Variants in SEMA3C observed in about 807,000 individuals in gnomAD.
SEMA3C encodes semaphorin 3C, also known as semaphorin-3C.
Under a neutral mutation model 89.4 loss-of-function variants are expected in SEMA3C, and 47 were observed. That is an observed-to-expected ratio of 0.53 (90% CI 0.42 to 0.67). The LOEUF (loss-of-function observed/expected upper bound fraction) is 0.67. SEMA3C is among the 30% of genes least tolerant of loss of function. The probability of loss-of-function intolerance (pLI) is 0.00; values close to 1 mark genes in which losing one functional copy is unlikely to be tolerated. For missense variants in SEMA3C, 839 were observed against 929.1 expected (o/e 0.90, Z 1.26); for synonymous variants, 310 against 320.2 (o/e 0.97, Z 0.34).
chr7:80,878,211 C>T (rs887633873), intron 2 of SEMA3C, among the ~76,000 whole-genome samples: 1 of 152,094 alleles, frequency 6.6e-6, no homozygotes, highest in Admixed American at 6.5e-5. Context: ...AACCCCATCT[C>T]TACTAAAAAT....
Position 80,800,786 on chromosome 7 carries a change from T to A in SEMA3C, c.957A>T (p.Thr319=), listed in dbSNP as rs774145672. ...FLLETDNPRT[T]LVYGIFTTSS... The stretch of plus-strand genomic sequence containing the variant: ...ATGTTGTAAAAATGCCATACACTAG[T>A]GTTGTCCTCGGGTTATCAGTTTCCA... Residue 319 remains threonine, a synonymous_variant, in exon 10 of 18, where the codon ACA becomes ACT. Coordinates refer to ENST00000265361, the MANE Select transcript of SEMA3C (RefSeq NM_006379.5). The A allele has an allele frequency of 1.3e-6, 2 of 1,529,062 alleles. No homozygotes were observed. Among genetic ancestry groups the A allele is most frequent in the Non-Finnish European group, 1.8e-6 (2 of 1,142,568 alleles). The allele number at this position is 1,529,062 out of a possible 1,614,324, so 94.7% of individuals were successfully genotyped here. A position where few individuals can be genotyped will look rare whatever the true frequency, so the allele number is the denominator to read the frequency against.
intron 17 of SEMA3C, among the ~76,000 whole-genome samples, chr7:80,748,132 G>T (rs1015052475): frequency 3.3e-5 from 5 of 151,970 alleles, no homozygotes; most frequent in Non-Finnish European, 5.9e-5. Flanking sequence ...CTGCACAAAT[G>T]GTGGTACATT....
rs1013721800 is a variant in SEMA3C, at chr7:80,757,210, C to T, written c.1643+1121G>A. ...TGCTTTACTTGAAAGATCATTGGTG[C>T]TCATGGCTGCTACTATTTGCTCCCT... On this transcript the variant is annotated intron_variant, in intron 15 of 17. Coordinates refer to ENST00000265361, the MANE Select transcript of SEMA3C (RefSeq NM_006379.5). Among the ~76,000 whole-genome samples, 3 of 152,198 alleles carry T rather than the reference C, an allele frequency of 2.0e-5. 1 individual carries two copies. The highest frequency in any genetic ancestry group is 4.1e-4 in the South Asian group (2 of 4,834).
chr7:80,898,471 A>C (rs553160011), intron 2 of SEMA3C, among the ~76,000 whole-genome samples: 1 of 152,302 alleles, frequency 6.6e-6, no homozygotes, highest in African/African-American at 2.4e-5. Context: ...ATAATAACAG[A>C]AACAAAGATG....
In SEMA3C at chr7:80,789,497, C is replaced by T. The variant is rs1267544147; in HGVS notation, c.1163G>A (p.Arg388Gln). The T allele has an allele frequency of 6.8e-6, 11 of 1,612,884 alleles. No individual in the cohort carries two copies. Among genetic ancestry groups the T allele is most frequent in the Admixed American group, 3.3e-5 (2 of 59,866 alleles). Residue 388 changes from arginine (R) to glutamine (Q), a missense_variant, in exon 12 of 18, where the codon CGA becomes CAA. By Grantham distance (43) the Arg-to-Gln change is conservative. Transcript: ENST00000265361. ...ATCATCTGGGAACTCCTTGGTGGTTCGCATATTGGGTGTAAATGCTCCTCC... is the reference window on the plus strand; with the variant it reads ...ATCATCTGGGAACTCCTTGGTGGTTTGCATATTGGGTGTAAATGCTCCTCC... ...CPGGAFTPNM[R>Q]TTKEFPDDVV...
At chr7:80,795,703 A>G (rs1359099273) in intron 11 of SEMA3C, among the ~76,000 whole-genome samples, 1 of 152,198 alleles carries the variant, frequency 6.6e-6, no homozygotes, top group Non-Finnish European at 1.5e-5. Flanking sequence ...TCTCACAGTG[A>G]TGCTCTGAGT....
At chr7:80,757,638 C>T (rs1184676295) in intron 15 of SEMA3C, among the ~76,000 whole-genome samples, 6 of 151,942 alleles carry the variant, frequency 3.9e-5, no homozygotes, top group African/African-American at 7.3e-5. Context: ...TAGAGAAATC[C>T]TAGGAAGGTG....
intron 2 of SEMA3C, among the ~76,000 whole-genome samples, chr7:80,907,754 G>A (rs1017427651): frequency 2.1e-4 from 32 of 151,900 alleles, no homozygotes; most frequent in Non-Finnish European, 4.1e-4. Flanking sequence ...TAAATTATTC[G>A]ATAATTCTTT....
upstream of SEMA3C, among the ~76,000 whole-genome samples, chr7:80,921,675 T>G (rs1304377062): frequency 6.6e-6 from 1 of 152,208 alleles, no homozygotes; most frequent in African/African-American, 2.4e-5. Flanking sequence ...TTACAATGTT[T>G]GCACCCAGCA....
intron 16 of SEMA3C, among the ~76,000 whole-genome samples, chr7:80,750,537 T>C (rs2141171): frequency 0.17 from 23,168 of 139,162 alleles, 2,119 homozygotes; most frequent in East Asian, 0.43. Flanking sequence ...GCACACATGA[T>C]AAAATACAAT....
At chr7:80,764,427 C>G (rs758153890) in intron 13 of SEMA3C, among the ~76,000 whole-genome samples, 2 of 152,190 alleles carry the variant, frequency 1.3e-5, no homozygotes, top group Non-Finnish European at 1.5e-5. Flanking sequence ...ACTTGAACTA[C>G]AGTGACTGAC....
At chr7:80,777,755 G>T (rs1439701477) in intron 12 of SEMA3C, among the ~76,000 whole-genome samples, 2 of 152,204 alleles carry the variant, frequency 1.3e-5, no homozygotes, top group Non-Finnish European at 2.9e-5. Flanking sequence ...GAAAGTTTCA[G>T]AGTTAAACCT....
chr7:80,908,742 G>C (rs1013571258), intron 2 of SEMA3C, among the ~76,000 whole-genome samples: 5 of 152,080 alleles, frequency 3.3e-5, no homozygotes, highest in Admixed American at 1.3e-4. Flanking sequence ...AAATGGGAGG[G>C]AGACAGGGCT....
At chr7:80,795,753 G>A (rs1789049328) in intron 11 of SEMA3C, among the ~76,000 whole-genome samples, 1 of 152,158 alleles carries the variant, frequency 6.6e-6, no homozygotes, top group Non-Finnish European at 1.5e-5. Context: ...TTGTCACGTG[G>A]GTGAAGAGCC....
chr7:80,921,042 C>T (rs1363658553), upstream of SEMA3C, among the ~76,000 whole-genome samples: 1 of 152,138 alleles, frequency 6.6e-6, no homozygotes, highest in East Asian at 1.9e-4. Flanking sequence ...TTTGAGAAAA[C>T]CACGATAAAG....
chr7:80,788,834 A>G (rs1042387579), intron 12 of SEMA3C, among the ~76,000 whole-genome samples: 4 of 152,190 alleles, frequency 2.6e-5, no homozygotes, highest in African/African-American at 9.7e-5. Context: ...TTCAGTTGAA[A>G]GGAACACTTA....
chr7:80,748,569 A>T (rs34383594), intron 17 of SEMA3C, among the ~76,000 whole-genome samples: 58,595 of 152,038 alleles, frequency 0.39, 11,895 homozygotes, highest in Non-Finnish European at 0.46. Flanking sequence ...AATCACACAA[A>T]GGTGCCGTTG....
chr7:80,843,744 T>C (rs950968991), intron 2 of SEMA3C, among the ~76,000 whole-genome samples: 1 of 152,198 alleles, frequency 6.6e-6, no homozygotes, highest in Non-Finnish European at 1.5e-5. Flanking sequence ...TCTATTGAAT[T>C]AATATTAATT....
chr7:80,766,860 G>A (rs1414839017), intron 12 of SEMA3C, among the ~76,000 whole-genome samples: 1 of 152,134 alleles, frequency 6.6e-6, no homozygotes, highest in African/African-American at 2.4e-5. Flanking sequence ...ATGCTAGACT[G>A]GTAAGGGAAA....
Sources: gnomAD v4.1 joint callset for allele counts (sites outside exome capture counted in the v4.1 genomes callset) on GRCh38, gnomAD v4.1.1 for gene constraint, MANE v1.5 for transcripts, NCBI Gene and HGNC (gene_info 2026-07-23, HGNC 2026-07-21) for gene names.